NLRC5: variants seen among roughly 807,000 people sequenced by gnomAD.
NLRC5 encodes protein NLRC5.
Under a neutral mutation model 206.9 loss-of-function variants are expected in NLRC5, and 114 were observed. The ratio of observed to expected loss-of-function variants is 0.55; its 90% CI spans 0.47 to 0.64. The LOEUF (loss-of-function observed/expected upper bound fraction) is 0.64. Among genes scored for constraint, NLRC5 ranks in the 30% least tolerant of loss-of-function variants. NLRC5 has a pLI of 0.00. For synonymous variants in NLRC5, 952 were observed against 962.8 expected, an observed-to-expected ratio of 0.99 and a Z score of 0.21; for missense variants, 2,008 against 2,305.5, an observed-to-expected ratio of 0.87 and a Z score of 2.64.
Position 57,026,812 on chromosome 16 carries a change from G to A in NLRC5, c.1869G>A (p.Gln623=), listed in dbSNP as rs13339199. 97,022 of 1,614,126 alleles carry A rather than the reference G, an allele frequency of 0.06. 4,521 individuals carry two copies. The highest frequency in any genetic ancestry group is 0.25 in the African/African-American group (18,681 of 74,996). The change falls in exon 6 of 49, where the codon CAG becomes CAA. Residue 623 remains glutamine, a synonymous_variant. Coordinates refer to ENST00000688547, the MANE Select transcript of NLRC5 (RefSeq NM_001384950.1). ...TGTGTCACTGTGTGGATGAGACACA[G>A]GAGCCTGAGCTGGCCAGTCTCACCG... ...VELCHCVDET[Q]EPELASLTAQ...
intron 47 of NLRC5, 42 bp from the exon 48 acceptor site, chr16:57,081,485 G>A (rs542654897): frequency 6.3e-7 from 1 of 1,583,490 alleles, no homozygotes; most frequent in South Asian, 1.1e-5. Context: ...CATTCTCATG[G>A]CCGTGTTTCT....
chr16:57,033,955 G>C (rs1196756582), intron 12 of NLRC5, among the ~76,000 whole-genome samples: 1 of 152,212 alleles, frequency 6.6e-6, no homozygotes, highest in Non-Finnish European at 1.5e-5. Flanking sequence ...GAATCTCTGT[G>C]AAGTACACAT....
At position 57,036,190 on chromosome 16, in the gene NLRC5, T is replaced by G; in HGVS notation, c.2711+7T>G. On this transcript the variant is annotated splice_region_variant and intron_variant, in intron 14 of 48. Coordinates refer to ENST00000688547, the MANE Select transcript of NLRC5 (RefSeq NM_001384950.1). The stretch of plus-strand genomic sequence containing the variant: ...ACATCGCCAGGAAGCTGGAGTGAGT[T>G]GTCCACCCCACCGCTGGGTACCAGG... 1 of 1,612,426 alleles carries G rather than the reference T, an allele frequency of 6.2e-7. No individual in the cohort carries two copies. Among genetic ancestry groups the G allele is most frequent in the Non-Finnish European group, 8.5e-7 (1 of 1,179,630 alleles).
Position 57,081,603 on chromosome 16 carries a change from GTCA to G in NLRC5, c.5485_5487del (p.Ile1829del). ...ACTGGCCCAGGGGTCTAGCATCCAAGTCATCCGGTAACAGAGGCCTGCAGGGGC... is the reference window on the plus strand; with the variant it reads ...ACTGGCCCAGGGGTCTAGCATCCAAGTCCGGTAACAGAGGCCTGCAGGGGC... On this transcript the variant is annotated inframe_deletion, in exon 48 of 49. Transcript: ENST00000688547. 1 of 1,613,962 alleles carries G rather than the reference GTCA, an allele frequency of 6.2e-7. No individual in the cohort carries two copies. Among genetic ancestry groups the G allele is most frequent in the Non-Finnish European group, 8.5e-7 (1 of 1,179,898 alleles).
chr16:57,066,541 G>A lies in NLRC5; in HGVS notation c.4249G>A (p.Glu1417Lys), dbSNP rs149556424. The A allele has an allele frequency of 2.2e-4, 356 of 1,613,974 alleles. No individual in the cohort carries two copies. In the East Asian group the frequency reaches 3.1e-3, roughly 14 times the overall value. ...SGSVTEISIS[E>K]TQQQLCVQLE... ...TTACTGCTCACTCCTCAGCATCTCC[G>A]AGACCCAGCAGCAGCTCTGTGTCCA... The change falls in exon 34 of 49, where the codon GAG becomes AAG. Residue 1417 changes from glutamate to lysine, a missense_variant. By Grantham distance (56) the Glu-to-Lys change is moderately conservative. Coordinates refer to ENST00000688547, the MANE Select transcript of NLRC5 (RefSeq NM_001384950.1).
At chr16:57,019,289 C>T (rs903037519) in intron 2 of NLRC5, among the ~76,000 whole-genome samples, 3 of 152,032 alleles carry the variant, frequency 2.0e-5, no homozygotes, top group East Asian at 1.9e-4. Flanking sequence ...CCCAGCTACT[C>T]GGGAGGCTGA....
chr16:57,082,574 A>C lies in NLRC5; in HGVS notation c.*46A>C. 7.2e-7 allele frequency: 1 copy of C among 1,397,932 alleles called. No homozygotes were observed. Among genetic ancestry groups the C allele is most frequent in the Non-Finnish European group, 1.0e-6 (1 of 989,810 alleles). The allele number at this position is 1,397,932 out of a possible 1,614,324, so 86.6% of individuals were successfully genotyped here. On this transcript the variant is annotated 3_prime_UTR_variant, in exon 49 of 49. Transcript: ENST00000688547. ...GAATCCAGCCAAGTGATGCACCCAA[A>C]TGATCCACCTTTCGCCCACTGGGAT... is the stretch of plus-strand genomic sequence containing the variant.
chr16:57,072,087 C>T (rs1036324797), intron 38 of NLRC5, among the ~76,000 whole-genome samples: 13 of 152,216 alleles, frequency 8.5e-5, no homozygotes, highest in South Asian at 8.3e-4. Context: ...TGGAAAATTA[C>T]GAGGCCAATG....
At chr16:57,050,586 G>A (rs2064758043) in intron 23 of NLRC5, among the ~76,000 whole-genome samples, 1 of 152,248 alleles carries the variant, frequency 6.6e-6, no homozygotes, top group Non-Finnish European at 1.5e-5. Flanking sequence ...GGCCCCCCAG[G>A]AAGGGGCTGT....
At chr16:57,074,704 A>G (rs1351576728) in intron 39 of NLRC5, 21 bp downstream of exon 39, 3 of 1,609,862 alleles carry the variant, frequency 1.9e-6, no homozygotes, top group Non-Finnish European at 2.5e-6. Context: ...GAGCGGCCCC[A>G]TGGGAATGAG....
At chr16:57,046,696 G>C in intron 22 of NLRC5, 55 bp downstream of exon 22, 1 of 1,433,516 alleles carries the variant, frequency 7.0e-7, no homozygotes, top group South Asian at 1.2e-5. Context: ...TGAGGCGTCA[G>C]AGGGGGCAGA....
In NLRC5 at chr16:57,061,418, C is replaced by T. The variant is rs1240704850; in HGVS notation, c.3987-30C>T. On this transcript the variant is annotated intron_variant, in intron 30 of 48. Transcript: ENST00000688547. The stretch of plus-strand genomic sequence containing the variant: ...GAGCAGCAGTGCCCACAGGCCTCAC[C>T]CAGGCTCTGCCCTGGCTTTCTGCCC... 3.7e-6 allele frequency: 6 copies of T among 1,603,392 alleles called. No individual in the cohort carries two copies. In the African/African-American group the frequency reaches 4.0e-5, roughly 11 times the overall value.
intron 15 of NLRC5, among the ~76,000 whole-genome samples, chr16:57,038,662 G>C (rs1423678180): frequency 1.3e-5 from 2 of 152,136 alleles, no homozygotes; most frequent in African/African-American, 4.8e-5. Flanking sequence ...TGGGCCAGGT[G>C]CTGTGGCTCA....
rs2062805272 is a variant in NLRC5, at chr16:57,037,901, C to A, written c.2801+617C>A. Among the ~76,000 whole-genome samples, 5 of 152,258 alleles carry A rather than the reference C, an allele frequency of 3.3e-5. No individual in the cohort carries two copies. The South Asian group carries it at 1.0e-3, about 32-fold the overall frequency. On this transcript the variant is annotated intron_variant, in intron 15 of 48. Transcript: ENST00000688547. ...AGTAGGGTGGTCCCTGCTTTAAACA[C>A]CCCTCAAGGGAGGAGAGGGAAACCG...
At chr16:57,042,173 C>A (rs775159901) in intron 19 of NLRC5, 108 bp downstream of exon 19, 276 of 654,198 alleles carry the variant, frequency 4.2e-4, no homozygotes, top group Non-Finnish European at 6.2e-4. Context: ...TCGGAAAATG[C>A]ATGAAAATTG....
chr16:57,026,734 G>A lies in NLRC5; in HGVS notation c.1791G>A (p.Gln597=). 6.2e-7 allele frequency: 1 copy of A among 1,614,042 alleles called. No homozygotes were observed. The highest frequency in any genetic ancestry group is 8.5e-7 in the Non-Finnish European group (1 of 1,179,920). ...CVGAKQAAVV[Q]VLKKLATRKL... ...GTGCCAAGCAGGCTGCTGTAGTGCA[G>A]GTGTTGAAGAAGTTGGCCACCCGCA... Residue 597 remains glutamine, a synonymous_variant, in exon 6 of 49, where the codon CAG becomes CAA. Transcript: ENST00000688547.
chr16:57,053,572 A>C (rs546565636), intron 24 of NLRC5, among the ~76,000 whole-genome samples: 3 of 152,304 alleles, frequency 2.0e-5, no homozygotes, highest in East Asian at 3.9e-4. Context: ...TCTGTCACAC[A>C]GGCTGGAGTG....
At chr16:56,992,833 A>G (rs1325792596) in intron 1 of NLRC5, among the ~76,000 whole-genome samples, 1 of 152,038 alleles carries the variant, frequency 6.6e-6, no homozygotes, top group African/African-American at 2.4e-5. Flanking sequence ...CACTTTTAAA[A>G]ATAAATGATA....
At chr16:57,007,298 G>A (rs186220861) in intron 1 of NLRC5, among the ~76,000 whole-genome samples, 130 of 152,302 alleles carry the variant, frequency 8.5e-4, no homozygotes, top group Middle Eastern at 6.8e-3. Context: ...CTAAGTGCCC[G>A]TTAATTCACA....
Sources: gnomAD v4.1 joint callset for allele counts (sites outside exome capture counted in the v4.1 genomes callset) on GRCh38, gnomAD v4.1.1 for gene constraint, MANE v1.5 for transcripts, NCBI Gene and HGNC (gene_info 2026-07-23, HGNC 2026-07-21) for gene names.